The following NF1 variants were observed in gnomAD, a reference collection of about 807,000 sequenced individuals.
NF1 encodes the protein neurofibromin.
NF1 carries 122 observed loss-of-function variants against 325.7 expected under a neutral mutation model. The ratio of observed to expected loss-of-function variants is 0.37; its 90% CI spans 0.32 to 0.44. NF1 has a LOEUF of 0.44. Ranked by LOEUF, NF1 falls within the 20% of genes least tolerant of loss-of-function variation. The probability of loss-of-function intolerance (pLI) is 1.00; values close to 1 mark genes in which losing one functional copy is unlikely to be tolerated. For missense variants in NF1, 2,140 were observed against 3,415.4 expected (o/e 0.63, Z 9.31); for synonymous variants, 1,091 against 1,186.0 (o/e 0.92, Z 1.65).
At chr17:31,169,269 C>T (rs1340669581) in intron 4 of NF1, among the ~76,000 whole-genome samples, 2 of 152,232 alleles carry the variant, frequency 1.3e-5, no homozygotes, top group Middle Eastern at 3.4e-3. Flanking sequence ...TTGTATATCT[C>T]TTGCCCCCAT....
In NF1 at chr17:31,374,774, G is replaced by A. The variant is rs531856536; in HGVS notation, c.*619G>A. 4.3e-6 allele frequency: 1 copy of A among 233,660 alleles called. No individual in the cohort carries two copies. Among genetic ancestry groups the A allele is most frequent in the South Asian group, 1.8e-4 (1 of 5,606 alleles). 14.5% of individuals were successfully genotyped at this position (233,660 alleles called of 1,614,324 possible). A position where few individuals can be genotyped will look rare whatever the true frequency, so the allele number is the denominator to read the frequency against. On this transcript the variant is annotated 3_prime_UTR_variant, in exon 58 of 58. Transcript: ENST00000358273. ...CAGGGAAATTTCATATTTTATAGTG[G>A]ATTCTTAAGAAATACTAACACTTGA...
In NF1 at chr17:31,331,987, G is replaced by A. The variant is rs1405049527; in HGVS notation, c.5812+1489G>A. 3 of 133,026 alleles carry A rather than the reference G, an allele frequency of 2.3e-5. No homozygotes were observed. The South Asian group carries it at 7.6e-4, about 34-fold the overall frequency. 8.2% of individuals were successfully genotyped at this position (133,026 alleles called of 1,614,324 possible). A position where few individuals can be genotyped will look rare whatever the true frequency, so the allele number is the denominator to read the frequency against. On this transcript the variant is annotated intron_variant, in intron 39 of 57. Transcript: ENST00000358273. The stretch of plus-strand genomic sequence containing the variant: ...CATTTTAAAAAGAAGAGGAACAAGT[G>A]AATATTTAATTGCTTTCTAGATGAG...
Position 31,310,589 on chromosome 17 carries a change from T to G in NF1, c.4836-15231T>G, listed in dbSNP as rs555120311. ...CCATCCTTTCAAATTCATTTACCTT[T>G]CATTTCAGGCTCTCCTGTCTGCTGT... is the stretch of plus-strand genomic sequence containing the variant. On this transcript the variant is annotated intron_variant, in intron 36 of 57. Coordinates refer to ENST00000358273, the MANE Select transcript of NF1 (RefSeq NM_001042492.3). Among the ~76,000 whole-genome samples the G allele has an allele frequency of 1.6e-4, 25 of 152,298 alleles. No homozygotes were observed. In the South Asian group the frequency reaches 2.1e-3, roughly 13 times the overall value.
intron 56 of NF1, 29 bp from the exon 57 acceptor site, chr17:31,360,458 C>T (rs2070372235): frequency 6.3e-7 from 1 of 1,589,022 alleles, no homozygotes; most frequent in Non-Finnish European, 8.6e-7. Context: ...AAAAAAGGAA[C>T]TAAAATAATT....
chr17:31,149,390 CT>C (rs922807155), intron 1 of NF1, among the ~76,000 whole-genome samples: 1 of 152,116 alleles, frequency 6.6e-6, no homozygotes, highest in African/African-American at 2.4e-5. Flanking sequence ...CCTCTGCCCC[CT>C]GGGTTGAAGC....
chr17:31,324,841 C>T (rs1304185495), intron 36 of NF1, among the ~76,000 whole-genome samples: 2 of 152,220 alleles, frequency 1.3e-5, no homozygotes, highest in South Asian at 4.1e-4. Context: ...GGAATACAGG[C>T]GTGAGCCACT....
chr17:31,355,135 T>C (rs937811281), intron 51 of NF1, among the ~76,000 whole-genome samples: 1 of 152,124 alleles, frequency 6.6e-6, no homozygotes, highest in Non-Finnish European at 1.5e-5. Context: ...ATTGATTAGC[T>C]CACAGATAGT....
At position 31,313,730 on chromosome 17, in the gene NF1, G is replaced by A. The variant is rs1047869948; in HGVS notation, c.4836-12090G>A. On this transcript the variant is annotated intron_variant, in intron 36 of 57. Transcript: ENST00000358273. Reference sequence around the variant, plus strand: ...CAAAAAAAAAAAAAAATATGTGTGTGTGTGTGTGTGTGTGTGTGTGTGTGT... The same window carrying A: ...CAAAAAAAAAAAAAAATATGTGTGTATGTGTGTGTGTGTGTGTGTGTGTGT... 5.6e-5 allele frequency among the ~76,000 whole-genome samples: 3 copies of A among 54,016 alleles called. 1 individual carries two copies. Among genetic ancestry groups the A allele is most frequent in the Non-Finnish European group, 2.2e-4 (3 of 13,878 alleles). The allele number at this position is 54,016 out of a possible 152,430, so 35.4% of individuals were successfully genotyped here.
In NF1 at chr17:31,095,434, G is replaced by A; in HGVS notation, c.60+65G>A. 2.1e-6 allele frequency: 3 copies of A among 1,458,254 alleles called. No homozygotes were observed. The South Asian group carries it at 3.8e-5, about 18-fold the overall frequency. 90.3% of individuals were successfully genotyped at this position (1,458,254 alleles called of 1,614,324 possible). A position where few individuals can be genotyped will look rare whatever the true frequency, so the allele number is the denominator to read the frequency against. On this transcript the variant is annotated intron_variant, in intron 1 of 57. Transcript: ENST00000358273. ...GGGGTGGGGACAGAGTAGGTGAGGG[G>A]AGGTAGGAGCGGCCGCCTCCCCCGC...
intron 1 of NF1, among the ~76,000 whole-genome samples, chr17:31,102,937 C>T (rs1349335500): frequency 6.6e-6 from 1 of 151,706 alleles, no homozygotes; most frequent in Non-Finnish European, 1.5e-5. Flanking sequence ...GCTCCACCTT[C>T]TGGGTTCAAG....
chr17:31,136,390 A>G (rs1314214681), intron 1 of NF1: 1 of 151,172 alleles, frequency 6.6e-6, no homozygotes, highest in African/African-American at 2.4e-5. Context: ...CCCCACAACC[A>G]CTTATCAGCA....
intron 7 of NF1, among the ~76,000 whole-genome samples, chr17:31,182,171 G>C (rs1208117219): frequency 2.6e-5 from 4 of 152,190 alleles, no homozygotes; most frequent in African/African-American, 9.6e-5. Flanking sequence ...CAGACTCCTG[G>C]AGAACTTTGG....
At chr17:31,302,641 A>G (rs1467539905) in intron 36 of NF1, among the ~76,000 whole-genome samples, 1 of 151,962 alleles carries the variant, frequency 6.6e-6, no homozygotes, top group Non-Finnish European at 1.5e-5. Context: ...GGAGTTCAAG[A>G]CCAGCCTGGC....
intron 46 of NF1, chr17:31,340,132 T>C (rs2069778635): frequency 3.5e-6 from 1 of 288,838 alleles, no homozygotes; most frequent in African/African-American, 2.2e-5. Flanking sequence ...AGGGAGAAAC[T>C]GAAGTAAAAA....
intron 5 of NF1, 102 bp downstream of exon 5, chr17:31,170,099 C>G (rs908910038): frequency 8.1e-6 from 6 of 744,994 alleles, no homozygotes; most frequent in Non-Finnish European, 1.4e-5. Flanking sequence ...GAACACCAAA[C>G]TGGATTTTAT....
chr17:31,300,822 C>T (rs893963448), intron 36 of NF1, among the ~76,000 whole-genome samples: 7 of 151,996 alleles, frequency 4.6e-5, no homozygotes, highest in African/African-American at 1.7e-4. Flanking sequence ...TGTTGTTGAA[C>T]TTTGGGATTT....
chr17:31,274,316 T>G (rs545558677), intron 36 of NF1, among the ~76,000 whole-genome samples: 1 of 152,286 alleles, frequency 6.6e-6, no homozygotes, highest in Non-Finnish European at 1.5e-5. Context: ...TATAGGGAAA[T>G]TGGGTTGTAT....
chr17:31,202,938 C>T (rs1442499313), intron 11 of NF1, among the ~76,000 whole-genome samples: 2 of 152,090 alleles, frequency 1.3e-5, no homozygotes, highest in Non-Finnish European at 2.9e-5. Flanking sequence ...GTCATTATTG[C>T]TTTTTTCCGC....
At chr17:31,230,748 T>C in intron 23 of NF1, 94 bp from the exon 24 acceptor site, 3 of 975,342 alleles carry the variant, frequency 3.1e-6, no homozygotes, top group Non-Finnish European at 4.8e-6. Context: ...ATCTGGCAAA[T>C]TATTTGCACT....
Sources: gnomAD v4.1 joint callset for allele counts (sites outside exome capture counted in the v4.1 genomes callset) on GRCh38, gnomAD v4.1.1 for gene constraint, MANE v1.5 for transcripts, NCBI Gene and HGNC (gene_info 2026-07-23, HGNC 2026-07-21) for gene names.